CFH: variants seen among roughly 807,000 people sequenced by gnomAD.
CFH encodes H factor 1 (complement).
In CFH, 53 loss-of-function variants were observed where a neutral mutation model predicts 147.3. That is an observed-to-expected ratio of 0.36 (90% confidence interval 0.29 to 0.45). The LOEUF is 0.45. Ranked by LOEUF, CFH falls within the 20% of genes least tolerant of loss-of-function variation. CFH has a pLI of 1.00. For missense variants in CFH, 1,380 were observed against 1,498.0 expected (o/e 0.92, Z 1.30); for synonymous variants, 536 against 489.4 (o/e 1.10, Z -1.26).
intron 17 of CFH, among the ~76,000 whole-genome samples, chr1:196,740,322 C>T (rs1652768968): frequency 6.6e-6 from 1 of 152,174 alleles, no homozygotes; most frequent in Admixed American, 6.5e-5. Flanking sequence ...CGTTAACTCT[C>T]AATGTGTATC....
At chr1:196,680,947 T>G (rs941067512) in intron 6 of CFH, among the ~76,000 whole-genome samples, 4 of 151,902 alleles carry the variant, frequency 2.6e-5, no homozygotes, top group Non-Finnish European at 5.9e-5. Context: ...AGAAAGAAAT[T>G]AATGAACATG....
chr1:196,703,507 C>A (rs192437558), intron 9 of CFH, among the ~76,000 whole-genome samples: 278 of 152,268 alleles, frequency 1.8e-3, no homozygotes, highest in African/African-American at 6.5e-3. Flanking sequence ...GGCTTGAGAT[C>A]CTGATGATGG....
chr1:196,743,832 G>A (rs1652903914), intron 20 of CFH, among the ~76,000 whole-genome samples: 1 of 152,066 alleles, frequency 6.6e-6, no homozygotes, highest in Non-Finnish European at 1.5e-5. Context: ...ACCAAATTGA[G>A]AGTTGGAACC....
At chr1:196,665,653 G>A (rs1667057259) in intron 1 of CFH, among the ~76,000 whole-genome samples, 1 of 152,002 alleles carries the variant, frequency 6.6e-6, no homozygotes, top group South Asian at 2.1e-4. Flanking sequence ...TGTTGCCCAG[G>A]CTGGAGTGCA....
At chr1:196,652,722 A>G (rs956189814) in intron 1 of CFH, among the ~76,000 whole-genome samples, 2 of 151,860 alleles carry the variant, frequency 1.3e-5, no homozygotes, top group African/African-American at 4.8e-5. Context: ...TTGAAACCCA[A>G]TTGAATATAC....
intron 9 of CFH, among the ~76,000 whole-genome samples, chr1:196,702,051 G>T (rs1411123642): frequency 1.3e-5 from 2 of 152,166 alleles, no homozygotes; most frequent in African/African-American, 2.4e-5. Context: ...CAACAATGTA[G>T]AAAAAGGTAA....
chr1:196,656,650 G>A (rs1372838369), intron 1 of CFH, among the ~76,000 whole-genome samples: 3 of 146,320 alleles, frequency 2.1e-5, no homozygotes, highest in African/African-American at 7.6e-5. Flanking sequence ...ACTTCCACAA[G>A]TACTACTTAG....
At chr1:196,719,802 C>T (rs921511567) in intron 11 of CFH, among the ~76,000 whole-genome samples, 4 of 151,402 alleles carry the variant, frequency 2.6e-5, no homozygotes, top group Non-Finnish European at 4.4e-5. Flanking sequence ...GTACATATAA[C>T]AAAAATTGTT....
At chr1:196,698,572 G>A (rs529001421) in intron 9 of CFH, among the ~76,000 whole-genome samples, 14 of 152,220 alleles carry the variant, frequency 9.2e-5, no homozygotes, top group Non-Finnish European at 1.9e-4. Flanking sequence ...CTGAAATTGT[G>A]GTAGTAATTA....
rs116264743 is a variant in CFH, at chr1:196,711,563, T to C, written c.1337-2172T>C. On this transcript the variant is annotated intron_variant, in intron 9 of 21. Coordinates refer to ENST00000367429, the MANE Select transcript of CFH (RefSeq NM_000186.4). Reference sequence around the variant, plus strand: ...TGTGAGACCCCAAGGATTACTTGTTTTAATTTTTTTTTAAGTTTAGGTTTG... The same window carrying C: ...TGTGAGACCCCAAGGATTACTTGTTCTAATTTTTTTTTAAGTTTAGGTTTG... Among the ~76,000 whole-genome samples, 907 of 152,188 alleles carry C rather than the reference T, an allele frequency of 6.0e-3. 13 individuals are homozygous for C. Among genetic ancestry groups the C allele is most frequent in the African/African-American group, 0.021 (857 of 41,536 alleles).
At chr1:196,664,331 G>T (rs1024171877) in intron 1 of CFH, among the ~76,000 whole-genome samples, 3 of 152,148 alleles carry the variant, frequency 2.0e-5, no homozygotes, top group Non-Finnish European at 2.9e-5. Flanking sequence ...CAAAATGTTG[G>T]GATTACAGGT....
intron 21 of CFH, 54 bp downstream of exon 21, chr1:196,746,053 T>G (rs1652991804): frequency 6.2e-7 from 1 of 1,612,786 alleles, no homozygotes; most frequent in African/African-American, 1.3e-5. Flanking sequence ...GAGTCTGATA[T>G]TTCACTGTTT....
At chr1:196,655,101 A>G (rs553112713) in intron 1 of CFH, among the ~76,000 whole-genome samples, 5,668 of 152,214 alleles carry the variant, frequency 0.037, 311 homozygotes, top group African/African-American at 0.11. Flanking sequence ...CACTGAATAC[A>G]TATTTTAGGA....
intron 1 of CFH, among the ~76,000 whole-genome samples, chr1:196,664,550 C>T (rs1333884585): frequency 2.0e-5 from 3 of 152,172 alleles, no homozygotes; most frequent in Non-Finnish European, 4.4e-5. Context: ...ACTATATGAG[C>T]ATAGCTGTGT....
rs147403664 is a variant in CFH at position 196,715,621 on chromosome 1, T to C, written c.1548T>C (p.Asn516=). ...IKSCDIPVFM[N]ARTKNDFTWF... ...CTTGTGATATCCCAGTATTTATGAATGCCAGAACTAAAAATGACTTCACAT... is the reference window on the plus strand; with the variant it reads ...CTTGTGATATCCCAGTATTTATGAACGCCAGAACTAAAAATGACTTCACAT... The change falls in exon 11 of 22, where the codon AAT becomes AAC. Residue 516 remains asparagine (N), a synonymous_variant. Coordinates refer to ENST00000367429, the MANE Select transcript of CFH (RefSeq NM_000186.4). The C allele has an allele frequency of 1.9e-6, 3 of 1,612,442 alleles. No individual in the cohort carries two copies. Among genetic ancestry groups the C allele is most frequent in the African/African-American group, 2.7e-5 (2 of 74,836 alleles).
At chr1:196,692,549 TTTCTTTCTTTC>T (rs1306918906) in intron 9 of CFH, among the ~76,000 whole-genome samples, 13 of 127,378 alleles carry the variant, frequency 1.0e-4, no homozygotes, top group African/African-American at 2.9e-4. Context: ...TCTTTTTCTT[TTTCTTTCTTTC>T]TTCTTTCTTT....
intron 8 of CFH, among the ~76,000 whole-genome samples, chr1:196,689,841 A>G (rs191663311): frequency 1.3e-5 from 2 of 152,232 alleles, no homozygotes; most frequent in East Asian, 3.9e-4. Flanking sequence ...TATAATTTAT[A>G]CATCTATTAA....
At chr1:196,710,131 G>T (rs890164222) in intron 9 of CFH, among the ~76,000 whole-genome samples, 1 of 152,096 alleles carries the variant, frequency 6.6e-6, no homozygotes, top group African/African-American at 2.4e-5. Flanking sequence ...TCCACATCCT[G>T]GTGACTTCAT....
At chr1:196,652,578 G>C (rs1480525331) in intron 1 of CFH, among the ~76,000 whole-genome samples, 2 of 151,700 alleles carry the variant, frequency 1.3e-5, no homozygotes, top group Non-Finnish European at 2.9e-5. Flanking sequence ...ATAATGATTA[G>C]ATTTATTTCA....
Sources: gnomAD v4.1 joint callset for allele counts (sites outside exome capture counted in the v4.1 genomes callset) on GRCh38, gnomAD v4.1.1 for gene constraint, MANE v1.5 for transcripts, NCBI Gene and HGNC (gene_info 2026-07-23, HGNC 2026-07-21) for gene names.